Variants in CIMIP5 observed in about 807,000 individuals in gnomAD.
CIMIP5 encodes the protein ciliary microtubule inner protein 5.
chr2:11,135,089 A>G, the CIMIP5 span, among the ~76,000 whole-genome samples: 1 of 152,170 alleles, frequency 6.6e-6, no homozygotes, highest in East Asian at 1.9e-4. Flanking sequence ...ATAGAGCAAG[A>G]GCTCATCCAT....
the CIMIP5 span, among the ~76,000 whole-genome samples, chr2:11,137,938 CG>C: frequency 3.3e-5 from 5 of 152,158 alleles, no homozygotes; most frequent in Non-Finnish European, 7.4e-5. Context: ...CTCCGCCTCC[CG>C]GGTTCACGCC....
chr2:11,145,980 G>A, the CIMIP5 span: 344 of 152,296 alleles, frequency 2.3e-3, 1 homozygote, highest in African/African-American at 7.6e-3. Context: ...ATTTAATACA[G>A]GCAAAACCTG....
At chr2:11,144,164 A>G in the CIMIP5 span, 1 of 1,465,434 alleles carries the variant, frequency 6.8e-7, no homozygotes, top group Non-Finnish European at 9.1e-7. Flanking sequence ...TGGGGACAAG[A>G]GACCCAGCCC....
the CIMIP5 span, among the ~76,000 whole-genome samples, chr2:11,147,281 T>C: frequency 1.3e-5 from 2 of 152,202 alleles, no homozygotes; most frequent in Non-Finnish European, 2.9e-5. Flanking sequence ...GTGTGACTTC[T>C]CCATGCTGCC....
chr2:11,138,406 A>G, the CIMIP5 span, among the ~76,000 whole-genome samples: 32 of 152,364 alleles, frequency 2.1e-4, no homozygotes, highest in South Asian at 3.1e-3. Flanking sequence ...AACGATACAT[A>G]TCAATTTAAC....
At chr2:11,143,507 C>A in the CIMIP5 span, among the ~76,000 whole-genome samples, 1 of 150,446 alleles carries the variant, frequency 6.6e-6, no homozygotes, top group East Asian at 2.0e-4. Flanking sequence ...ATTTGTCAAG[C>A]TGGACAGTGA....
chr2:11,140,086 C>CAAA, the CIMIP5 span, among the ~76,000 whole-genome samples: 3,017 of 84,702 alleles, frequency 0.036, 388 homozygotes, highest in African/African-American at 0.15. Context: ...GACTCCCTCT[C>CAAA]AAAAAAAAAA....
the CIMIP5 span, chr2:11,143,928 G>A: frequency 3.8e-6 from 6 of 1,586,996 alleles, no homozygotes; most frequent in South Asian, 5.9e-5. Flanking sequence ...AGGGCAACAA[G>A]AAGGAGCCTG....
At chr2:11,143,496 C>T in the CIMIP5 span, among the ~76,000 whole-genome samples, 1 of 150,228 alleles carries the variant, frequency 6.7e-6, no homozygotes, top group Non-Finnish European at 1.5e-5. Context: ...ACTTTGTGAA[C>T]ATTTGTCAAG....
At chr2:11,138,252 C>T in the CIMIP5 span, among the ~76,000 whole-genome samples, 7 of 152,276 alleles carry the variant, frequency 4.6e-5, no homozygotes, top group African/African-American at 1.4e-4. Context: ...ATGATCAGTA[C>T]ATAGAAGCCT....
the CIMIP5 span, chr2:11,143,886 G>T: frequency 4.0e-6 from 6 of 1,495,314 alleles, no homozygotes; most frequent in African/African-American, 5.6e-5. Context: ...CTTTTTCCAC[G>T]CTCTGTGTGA....
At chr2:11,149,265 T>A in the CIMIP5 span, among the ~76,000 whole-genome samples, 1 of 149,520 alleles carries the variant, frequency 6.7e-6, no homozygotes, top group Non-Finnish European at 1.5e-5. Context: ...TCCCCTGGTG[T>A]GGTTCACTGA....
chr2:11,153,398 G>T, the CIMIP5 span, among the ~76,000 whole-genome samples: 1 of 152,220 alleles, frequency 6.6e-6, no homozygotes, highest in African/African-American at 2.4e-5. Flanking sequence ...CCCCAGGTGG[G>T]AGCAGTTCCC....
At chr2:11,143,424 G>T in the CIMIP5 span, among the ~76,000 whole-genome samples, 1 of 152,056 alleles carries the variant, frequency 6.6e-6, no homozygotes, top group Non-Finnish European at 1.5e-5. Flanking sequence ...GGGCTGAGGG[G>T]CTGAAAGGAG....
At chr2:11,134,915 TC>T in the CIMIP5 span, among the ~76,000 whole-genome samples, 1 of 152,188 alleles carries the variant, frequency 6.6e-6, no homozygotes, top group Non-Finnish European at 1.5e-5. Context: ...AGTCCTGGAA[TC>T]CACTTGGCTT....
At chr2:11,138,169 A>G in the CIMIP5 span, among the ~76,000 whole-genome samples, 9 of 152,236 alleles carry the variant, frequency 5.9e-5, no homozygotes, top group African/African-American at 2.2e-4. Context: ...AATGTTTATT[A>G]TCTGATGCAC....
At chr2:11,142,628 A>T in the CIMIP5 span, among the ~76,000 whole-genome samples, 1 of 152,020 alleles carries the variant, frequency 6.6e-6, no homozygotes, top group Admixed American at 6.6e-5. Flanking sequence ...TTGACAGGTC[A>T]TGTCATTTCT....
At chr2:11,148,730 C>CTTTTTTTTTTTTTTTTTTTTTT in the CIMIP5 span, among the ~76,000 whole-genome samples, 2 of 63,860 alleles carry the variant, frequency 3.1e-5, no homozygotes, top group African/African-American at 9.7e-5. Flanking sequence ...CTAATGAAAA[C>CTTTTTTTTTTTTTTTTTTTTTT]TCTTTTTTTT....
the CIMIP5 span, among the ~76,000 whole-genome samples, chr2:11,153,180 A>G: frequency 1.3e-5 from 2 of 152,176 alleles, no homozygotes; most frequent in Admixed American, 6.5e-5. Context: ...CAAAGTAGCC[A>G]GGGAGGGGTC....
Sources: gnomAD v4.1 joint callset for allele counts (sites outside exome capture counted in the v4.1 genomes callset) on GRCh38, gnomAD v4.1.1 for gene constraint, MANE v1.5 for transcripts, NCBI Gene and HGNC (gene_info 2026-07-23, HGNC 2026-07-21) for gene names.